The following GABPA variants were observed in gnomAD, a reference collection of about 807,000 sequenced individuals.
GABPA encodes GA-binding protein alpha chain.
Under a neutral mutation model 59.4 loss-of-function variants are expected in GABPA, and 4 were observed. That is an observed-to-expected ratio of 0.07 (90% CI 0.03 to 0.15). The LOEUF (loss-of-function observed/expected upper bound fraction) is 0.15. Ranked by LOEUF, GABPA falls within the 10% of genes least tolerant of loss-of-function variation. The pLI is 1.00. For synonymous variants in GABPA, 164 were observed against 183.1 expected (o/e 0.90, Z 0.84); for missense variants, 251 against 543.8 (o/e 0.46, Z 5.36).
At chr21:25,750,554 A>G (rs2035484621) in intron 4 of GABPA, among the ~76,000 whole-genome samples, 1 of 152,190 alleles carries the variant, frequency 6.6e-6, no homozygotes, top group African/African-American at 2.4e-5. Flanking sequence ...ATAAGTACCC[A>G]AGTTAGAAAA....
At chr21:25,764,467 G>A in intron 8 of GABPA, 117 bp downstream of exon 8, 1 of 1,420,712 alleles carries the variant, frequency 7.0e-7, no homozygotes, top group East Asian at 2.4e-5. Flanking sequence ...TTTTTAGACA[G>A]CATTTCTAGA....
At chr21:25,764,149 A>ATTT in intron 7 of GABPA, 61 bp from the exon 8 acceptor site, 6 of 1,080,240 alleles carry the variant, frequency 5.6e-6, no homozygotes, top group Admixed American at 2.8e-5. Context: ...TCTTTCAGTA[A>ATTT]TTTTTTTTTT....
At chr21:25,735,811 G>A (rs1285103952) in intron 1 of GABPA, 1 of 150,122 alleles carries the variant, frequency 6.7e-6, no homozygotes, top group Non-Finnish European at 1.5e-5. Context: ...GCGGCCTGGA[G>A]CCCGGGGGGA....
At chr21:25,743,046 T>C (rs2035265129) in intron 2 of GABPA, among the ~76,000 whole-genome samples, 1 of 152,160 alleles carries the variant, frequency 6.6e-6, no homozygotes, top group Non-Finnish European at 1.5e-5. Flanking sequence ...GCAATGAAGC[T>C]GTCAGCCCAG....
chr21:25,762,478 A>G (rs1456577363), intron 7 of GABPA, 113 bp downstream of exon 7: 8 of 679,252 alleles, frequency 1.2e-5, no homozygotes, highest in Non-Finnish European at 2.0e-5. Flanking sequence ...CACACAAAAT[A>G]TCTTTTGTTC....
intron 1 of GABPA, among the ~76,000 whole-genome samples, chr21:25,741,119 T>C (rs1352568574): frequency 6.6e-6 from 1 of 152,132 alleles, no homozygotes; most frequent in African/African-American, 2.4e-5. Flanking sequence ...TTTATAAATG[T>C]CATTTGTGGA....
intron 2 of GABPA, among the ~76,000 whole-genome samples, chr21:25,744,162 C>T (rs933524055): frequency 1.3e-5 from 2 of 149,540 alleles, no homozygotes; most frequent in Non-Finnish European, 3.0e-5. Context: ...TTTAAATAAG[C>T]TTGTTTTTAA....
intron 1 of GABPA, among the ~76,000 whole-genome samples, chr21:25,736,820 G>C (rs1306492612): frequency 1.3e-5 from 2 of 152,150 alleles, no homozygotes; most frequent in African/African-American, 4.8e-5. Flanking sequence ...ATATTACATA[G>C]ATATGTATGC....
chr21:25,750,723 C>T (rs913820207), intron 4 of GABPA, among the ~76,000 whole-genome samples: 12 of 152,122 alleles, frequency 7.9e-5, no homozygotes, highest in Non-Finnish European at 1.2e-4. Flanking sequence ...CCTTAATTCC[C>T]TCAGGACTGA....
chr21:25,764,029 T>C (rs2035829119), intron 7 of GABPA, among the ~76,000 whole-genome samples, 181 bp from the exon 8 acceptor site: 1 of 152,204 alleles, frequency 6.6e-6, no homozygotes, highest in South Asian at 2.1e-4. Context: ...AGCGTTATAC[T>C]TTACCATCTG....
chr21:25,758,417 T>A (rs932713081), intron 6 of GABPA, among the ~76,000 whole-genome samples: 1 of 152,194 alleles, frequency 6.6e-6, no homozygotes, highest in South Asian at 2.1e-4. Flanking sequence ...ATTTTTTAGA[T>A]AGGAAAGTGA....
chr21:25,743,109 A>C (rs1039845636), intron 2 of GABPA, among the ~76,000 whole-genome samples: 1 of 152,184 alleles, frequency 6.6e-6, no homozygotes, highest in African/African-American at 2.4e-5. Context: ...GTCCAAAGTC[A>C]TGCTTGAGAC....
Position 25,762,025 on chromosome 21 carries a change from A to G in GABPA, c.749-287A>G, listed in dbSNP as rs71651633. Among the ~76,000 whole-genome samples the G allele has an allele frequency of 7.0e-3, 1,072 of 152,330 alleles. 32 individuals carry two copies. Among genetic ancestry groups the G allele is most frequent in the East Asian group, 0.05 (261 of 5,188 alleles). On this transcript the variant is annotated intron_variant, in intron 6 of 9. Transcript: ENST00000400075. ...TTTACATGGCTTTATGTGGATTTCA[A>G]TACAAATGTTTACATTTAGAAAACC...
chr21:25,749,875 G>A (rs916810763), intron 4 of GABPA, among the ~76,000 whole-genome samples: 2 of 152,198 alleles, frequency 1.3e-5, no homozygotes, highest in Non-Finnish European at 2.9e-5. Context: ...TGCCTCAATG[G>A]TCCCCAACCT....
intron 8 of GABPA, 92 bp downstream of exon 8, chr21:25,764,442 CT>C: frequency 7.0e-7 from 1 of 1,429,788 alleles, no homozygotes; most frequent in East Asian, 2.5e-5. Flanking sequence ...TGAATTTGGA[CT>C]ATCCCTCTGG....
intron 5 of GABPA, among the ~76,000 whole-genome samples, chr21:25,753,628 G>A (rs2035565790): frequency 6.6e-6 from 1 of 152,118 alleles, no homozygotes; most frequent in Admixed American, 6.6e-5. Context: ...ATGATCAGAG[G>A]ATTATTCTTA....
chr21:25,745,085 A>G (rs765162436), intron 2 of GABPA, 125 bp from the exon 3 acceptor site: 2 of 944,206 alleles, frequency 2.1e-6, no homozygotes, highest in Non-Finnish European at 3.3e-6. Context: ...CACAGTATCT[A>G]TGTAGAAATG....
rs1343738697 is a variant in GABPA, at chr21:25,735,044, A to C, written c.-561A>C. 6.6e-6 allele frequency: 9 copies of C among 1,371,750 alleles called. No homozygotes were observed. The highest frequency in any genetic ancestry group is 9.1e-6 in the Non-Finnish European group (9 of 992,874). 85.0% of individuals were successfully genotyped at this position (1,371,750 alleles called of 1,614,324 possible). A position where few individuals can be genotyped will look rare whatever the true frequency, so the allele number is the denominator to read the frequency against. On this transcript the variant is annotated 5_prime_UTR_variant, in exon 1 of 10. Transcript: ENST00000400075. ...GACCGGACGGGTCTAGGTGAGACAG[A>C]AGCCAAACAGGAGGAGGAAGTGGAG...
Position 25,751,991 on chromosome 21 carries a change from A to G in GABPA, c.310A>G (p.Ile104Val). 1.9e-6 allele frequency: 3 copies of G among 1,612,234 alleles called. No homozygotes were observed. Among genetic ancestry groups the G allele is most frequent in the Non-Finnish European group, 2.5e-6 (3 of 1,178,484 alleles). Residue 104 changes from isoleucine (I) to valine (V), a missense_variant and splice_region_variant, in exon 5 of 10, where the codon ATT becomes GTT. This residue lies in a region of GABPA where 207 missense variants were observed against 366.7 expected (regional missense o/e 0.56). Transcript: ENST00000400075. ...LSVQVISYQG[I>V]EPKLNILEIV... ...ATTTTTTTTTATCCACTGTTCAGGAATTGAACCAAAGTTAAACATCCTTGA... is the reference window on the plus strand; with the variant it reads ...ATTTTTTTTTATCCACTGTTCAGGAGTTGAACCAAAGTTAAACATCCTTGA...
Sources: gnomAD v4.1 joint callset for allele counts (sites outside exome capture counted in the v4.1 genomes callset) on GRCh38, gnomAD v4.1.1 for gene constraint, gnomAD v4.1.1 regional missense constraint, MANE v1.5 for transcripts, NCBI Gene and HGNC (gene_info 2026-07-23, HGNC 2026-07-21) for gene names.